OSBPL1A: variants seen among roughly 807,000 people sequenced by gnomAD.
OSBPL1A encodes oxysterol-binding protein-related protein 1.
A neutral mutation model predicts 137.1 loss-of-function variants in OSBPL1A; 80 were observed. The observed-to-expected ratio is 0.58, with a 90% confidence interval of 0.49 to 0.70. The LOEUF (loss-of-function observed/expected upper bound fraction) is 0.70, where lower values mean the gene tolerates loss of function less well. Ranked by LOEUF, OSBPL1A falls within the 30% of genes least tolerant of loss-of-function variation. The pLI is 0.00. For missense variants in OSBPL1A, 970 were observed against 1,129.4 expected (o/e 0.86, Z 2.02); for synonymous variants, 365 against 389.7 (o/e 0.94, Z 0.75).
chr18:24,244,294 A>T (rs1021570522), intron 15 of OSBPL1A, among the ~76,000 whole-genome samples: 9 of 152,234 alleles, frequency 5.9e-5, no homozygotes, highest in African/African-American at 2.2e-4. Flanking sequence ...AACAATAATC[A>T]TCACCCTAGT....
chr18:24,347,840 T>TAAAAA (rs1568043342), intron 4 of OSBPL1A: 1 of 43,922 alleles, frequency 2.3e-5, no homozygotes, highest in Non-Finnish European at 4.1e-5. Context: ...ACACTCCATC[T>TAAAAA]GAAAAAAAAA....
intron 14 of OSBPL1A, among the ~76,000 whole-genome samples, chr18:24,281,869 G>C (rs2089966782): frequency 6.6e-6 from 1 of 152,164 alleles, no homozygotes; most frequent in South Asian, 2.1e-4. Flanking sequence ...TGGCCACACA[G>C]CAAGAGGTGA....
chr18:24,273,891 T>C (rs1488052393), intron 15 of OSBPL1A, among the ~76,000 whole-genome samples: 1 of 152,064 alleles, frequency 6.6e-6, no homozygotes, highest in African/African-American at 2.4e-5. Context: ...AACTGTATGC[T>C]GGAGTCAGGG....
chr18:24,385,924 A>T (rs1284165946), intron 1 of OSBPL1A, among the ~76,000 whole-genome samples: 1 of 152,188 alleles, frequency 6.6e-6, no homozygotes, highest in Non-Finnish European at 1.5e-5. Flanking sequence ...GGTGCTGAGG[A>T]GCTGAGGAAG....
intron 13 of OSBPL1A, among the ~76,000 whole-genome samples, chr18:24,309,005 A>T (rs1015655041): frequency 6.6e-6 from 1 of 152,102 alleles, no homozygotes; most frequent in Non-Finnish European, 1.5e-5. Flanking sequence ...TCCTGACCTC[A>T]AGTGATCCAC....
chr18:24,231,992 T>C (rs948074123), intron 16 of OSBPL1A, among the ~76,000 whole-genome samples: 5 of 152,190 alleles, frequency 3.3e-5, no homozygotes, highest in African/African-American at 1.2e-4. Flanking sequence ...TCACCCTTCC[T>C]CCTGTTACTG....
intron 7 of OSBPL1A, 129 bp downstream of exon 7, chr18:24,332,813 G>A: frequency 8.8e-7 from 1 of 1,130,924 alleles, no homozygotes; most frequent in Non-Finnish European, 1.2e-6. Context: ...GAATGCCTTG[G>A]CTCCAAAATT....
At chr18:24,183,416 G>T (rs2086660113) in intron 18 of OSBPL1A, among the ~76,000 whole-genome samples, 1 of 151,332 alleles carries the variant, frequency 6.6e-6, no homozygotes, top group African/African-American at 2.4e-5. Context: ...CACACAGAGA[G>T]ATTTTTCTTT....
intron 14 of OSBPL1A, among the ~76,000 whole-genome samples, chr18:24,299,695 A>T (rs1199784876): frequency 6.6e-6 from 1 of 152,204 alleles, no homozygotes; most frequent in African/African-American, 2.4e-5. Flanking sequence ...AGACAAGAGC[A>T]TCAGGTAACT....
In OSBPL1A at chr18:24,327,097, TTTTTTTC is replaced by T. The variant is rs2090994744; in HGVS notation, c.625+5838_625+5844del. 1.4e-5 allele frequency among the ~76,000 whole-genome samples: 2 copies of T among 147,496 alleles called. 1 individual carries two copies. The highest frequency in any genetic ancestry group is 4.3e-4 in the South Asian group (2 of 4,702). On this transcript the variant is annotated intron_variant, in intron 7 of 27. Coordinates refer to ENST00000319481, the MANE Select transcript of OSBPL1A (RefSeq NM_080597.4). ...TATAATGTAAATGTTGCTCTTATGG[TTTTTTTC>T]TTTTTTCTTTTTTTTTTTTTTGAAA... is the stretch of plus-strand genomic sequence containing the variant.
At chr18:24,328,176 G>T (rs2091013384) in intron 7 of OSBPL1A, among the ~76,000 whole-genome samples, 1 of 149,168 alleles carries the variant, frequency 6.7e-6, no homozygotes, top group South Asian at 2.1e-4. Context: ...CAAGTAGCTG[G>T]GACTACCAGG....
intron 17 of OSBPL1A, among the ~76,000 whole-genome samples, chr18:24,198,863 GTT>G (rs570099539): frequency 7.1e-6 from 1 of 141,660 alleles, no homozygotes. Context: ...TTTTTTTGTT[GTT>G]TTTTTTTTTT....
At chr18:24,200,787 C>A (rs550931819) in intron 17 of OSBPL1A, among the ~76,000 whole-genome samples, 4 of 152,052 alleles carry the variant, frequency 2.6e-5, no homozygotes, top group African/African-American at 9.7e-5. Context: ...ACAGTCTAAT[C>A]ATCAAGAAAA....
chr18:24,294,457 C>A (rs2146091641), intron 14 of OSBPL1A, among the ~76,000 whole-genome samples: 1 of 152,232 alleles, frequency 6.6e-6, no homozygotes, highest in Middle Eastern at 3.4e-3. Flanking sequence ...TGGTCTCGAA[C>A]TCCTGACCTC....
At chr18:24,378,712 A>G (rs1906371245) in intron 1 of OSBPL1A, among the ~76,000 whole-genome samples, 1 of 152,228 alleles carries the variant, frequency 6.6e-6, no homozygotes, top group African/African-American at 2.4e-5. Context: ...TGGTTTCAAA[A>G]CAGAGCAGAG....
rs193282346 is a variant in OSBPL1A at position 24,274,941 on chromosome 18, G to C, written c.1281+5901C>G. On this transcript the variant is annotated intron_variant, in intron 15 of 27. Transcript: ENST00000319481. ...AAAAAAAAAAAGAAGGTGACTGAGG[G>C]GGAGCTGCTACAAAGGAAGGAGAAG... Among the ~76,000 whole-genome samples the C allele has an allele frequency of 3.3e-3, 503 of 151,952 alleles. 1 individual carries two copies. The highest frequency in any genetic ancestry group is 6.8e-3 in the Middle Eastern group (2 of 294).
At chr18:24,165,961 G>A (rs1461025257) in intron 26 of OSBPL1A, among the ~76,000 whole-genome samples, 2 of 152,172 alleles carry the variant, frequency 1.3e-5, no homozygotes, top group Admixed American at 6.5e-5. Context: ...GCCGGGTGTG[G>A]TGGCACGTGC....
Position 24,298,536 on chromosome 18 carries a change from G to A in OSBPL1A, c.1174+5101C>T, listed in dbSNP as rs188762207. On this transcript the variant is annotated intron_variant, in intron 14 of 27. Transcript: ENST00000319481. ...AATTTTTTGTCTTTTTAGTAGAGAC[G>A]GGGTTTCACCGTGTTAGCCAGGATG... Among the ~76,000 whole-genome samples the A allele has an allele frequency of 1.3e-3, 194 of 152,178 alleles. 3 individuals are homozygous for A. In the East Asian group the frequency reaches 0.032, roughly 25 times the overall value.
chr18:24,180,448 A>G lies in OSBPL1A; in HGVS notation c.1813-613T>C, dbSNP rs577265262. Among the ~76,000 whole-genome samples, 31 of 129,590 alleles carry G rather than the reference A, an allele frequency of 2.4e-4. No homozygotes were observed. In the Admixed American group the frequency reaches 2.6e-3, roughly 11 times the overall value. 85.0% of individuals were successfully genotyped at this position (129,590 alleles called of 152,430 possible). A position where few individuals can be genotyped will look rare whatever the true frequency, so the allele number is the denominator to read the frequency against. On this transcript the variant is annotated intron_variant, in intron 19 of 27. Transcript: ENST00000319481. ...TTTATATACACAAGTAAGCACAAAC[A>G]TATTTTTCTATTTTGTGTGTGTGTG...
Sources: allele counts gnomAD v4.1 joint callset (sites outside exome capture counted in the v4.1 genomes callset), GRCh38; gene constraint gnomAD v4.1.1; transcripts MANE v1.5; gene names NCBI Gene and HGNC (gene_info 2026-07-23, HGNC 2026-07-21).